The following NDUFAF2 variants were observed in gnomAD, a reference collection of about 807,000 sequenced individuals.
NDUFAF2 encodes NADH:ubiquinone oxidoreductase complex assembly factor 2, also known as NADH dehydrogenase [ubiquinone] 1 alpha subcomplex assembly factor 2.
NDUFAF2 carries 13 observed loss-of-function variants against 22.8 expected under a neutral mutation model. The observed-to-expected ratio is 0.57, with a 90% CI of 0.37 to 0.91. The LOEUF (loss-of-function observed/expected upper bound fraction) is 0.91. Ranked by LOEUF, NDUFAF2 falls within the 40% of genes least tolerant of loss-of-function variation. NDUFAF2 has a pLI of 0.01. For missense variants in NDUFAF2, 162 were observed against 195.2 expected (o/e 0.83, Z 1.01); for synonymous variants, 53 against 64.2 (o/e 0.83, Z 0.84).
intron 2 of NDUFAF2, among the ~76,000 whole-genome samples, chr5:61,094,377 A>C (rs571340648): frequency 6.6e-6 from 1 of 152,210 alleles, no homozygotes; most frequent in Non-Finnish European, 1.5e-5. Context: ...TTTGTCCGTC[A>C]GCCTCTGCAA....
In NDUFAF2 at chr5:61,107,665, C is replaced by A. The variant is rs1047016357; in HGVS notation, c.258+8633C>A. On this transcript the variant is annotated intron_variant, in intron 3 of 3. Transcript: ENST00000296597. ...ATTTCTCTTTTTTTAATTATGATTA[C>A]TATTATTATTATTATTATACTTTAA... is the stretch of plus-strand genomic sequence containing the variant. 1.1e-4 allele frequency among the ~76,000 whole-genome samples: 17 copies of A among 148,760 alleles called. 3 individuals carry two copies. Among genetic ancestry groups the A allele is most frequent in the African/African-American group, 4.3e-4 (17 of 39,878 alleles).
intron 1 of NDUFAF2, among the ~76,000 whole-genome samples, chr5:61,050,117 A>G (rs1752006146): frequency 6.6e-6 from 1 of 152,008 alleles, no homozygotes; most frequent in Admixed American, 6.6e-5. Flanking sequence ...AAGTGGTAAT[A>G]CTATTATATA....
chr5:60,972,192 C>T (rs747192768), intron 1 of NDUFAF2, among the ~76,000 whole-genome samples: 2 of 151,648 alleles, frequency 1.3e-5, no homozygotes, highest in Non-Finnish European at 2.9e-5. Context: ...CTGCCTGCCT[C>T]GGCCTCCCAA....
intron 1 of NDUFAF2, among the ~76,000 whole-genome samples, chr5:61,065,279 A>G (rs1284307214): frequency 6.6e-6 from 1 of 152,116 alleles, no homozygotes; most frequent in Non-Finnish European, 1.5e-5. Context: ...ACAGTCAAAG[A>G]AGAATTAATG....
chr5:61,047,727 A>G (rs981988332), intron 1 of NDUFAF2, among the ~76,000 whole-genome samples: 1 of 152,160 alleles, frequency 6.6e-6, no homozygotes, highest in African/African-American at 2.4e-5. Context: ...AAAAGAATCA[A>G]CCCAGCTATT....
chr5:60,954,692 G>A (rs998475454), intron 1 of NDUFAF2, among the ~76,000 whole-genome samples: 3 of 150,896 alleles, frequency 2.0e-5, no homozygotes, highest in Non-Finnish European at 2.9e-5. Flanking sequence ...TGATCTGCCC[G>A]CCTCAGCCTC....
intron 1 of NDUFAF2, among the ~76,000 whole-genome samples, chr5:60,965,390 G>C (rs1750746968): frequency 6.6e-6 from 1 of 152,054 alleles, no homozygotes; most frequent in Non-Finnish European, 1.5e-5. Flanking sequence ...GAACACTTAA[G>C]ATCTACCTTA....
At chr5:61,028,291 C>T (rs16878515) in intron 1 of NDUFAF2, among the ~76,000 whole-genome samples, 2,189 of 152,022 alleles carry the variant, frequency 0.014, 66 homozygotes, top group African/African-American at 0.05. Context: ...TATTTGTTTT[C>T]GACTTATCCC....
intron 1 of NDUFAF2, among the ~76,000 whole-genome samples, chr5:61,063,894 A>G (rs1418527484): frequency 6.6e-6 from 1 of 152,180 alleles, no homozygotes; most frequent in Admixed American, 6.6e-5. Flanking sequence ...TTTATCAGTA[A>G]TAAACTTGAA....
intron 1 of NDUFAF2, among the ~76,000 whole-genome samples, chr5:60,961,555 AC>A (rs1203834221): frequency 6.7e-6 from 1 of 148,972 alleles, no homozygotes; most frequent in East Asian, 2.0e-4. Flanking sequence ...AGATTGTGCC[AC>A]TGCACTCCAG....
intron 3 of NDUFAF2, among the ~76,000 whole-genome samples, chr5:61,136,050 G>T (rs1450668196): frequency 1.0e-5 from 1 of 95,280 alleles, no homozygotes; most frequent in African/African-American, 4.9e-5. Flanking sequence ...TATCTAGGGT[G>T]GATTGCTTTT....
At chr5:61,024,103 G>A (rs531609892) in intron 1 of NDUFAF2, among the ~76,000 whole-genome samples, 1 of 152,254 alleles carries the variant, frequency 6.6e-6, no homozygotes, top group East Asian at 1.9e-4. Flanking sequence ...GGAGCAGGAA[G>A]GAAGCCCTTA....
chr5:61,064,753 G>A (rs1386274297), intron 1 of NDUFAF2, among the ~76,000 whole-genome samples: 1 of 151,854 alleles, frequency 6.6e-6, no homozygotes, highest in Non-Finnish European at 1.5e-5. Flanking sequence ...GGACATTATA[G>A]CAATTAATGC....
intron 3 of NDUFAF2, among the ~76,000 whole-genome samples, chr5:61,133,407 A>G (rs1561135801): frequency 6.6e-6 from 1 of 152,214 alleles, no homozygotes; most frequent in African/African-American, 2.4e-5. Flanking sequence ...TGGCAGGTAC[A>G]CAAAGAAAAA....
chr5:61,104,877 TACA>T (rs1435990054), intron 3 of NDUFAF2, among the ~76,000 whole-genome samples: 4 of 152,160 alleles, frequency 2.6e-5, no homozygotes, highest in Non-Finnish European at 5.9e-5. Context: ...GCATTCACCT[TACA>T]ACAAGGATAG....
intron 1 of NDUFAF2, among the ~76,000 whole-genome samples, chr5:60,979,796 A>G (rs767543090): frequency 6.6e-6 from 1 of 152,196 alleles, no homozygotes; most frequent in African/African-American, 2.4e-5. Context: ...TGCTGATTGT[A>G]GAGCCCTTGG....
At chr5:61,138,619 G>C (rs1293372081) in intron 3 of NDUFAF2, among the ~76,000 whole-genome samples, 1 of 152,124 alleles carries the variant, frequency 6.6e-6, no homozygotes, top group African/African-American at 2.4e-5. Flanking sequence ...TCATGAAGTA[G>C]GGTGTTGCCT....
chr5:61,119,568 C>T (rs1434303013), intron 3 of NDUFAF2, among the ~76,000 whole-genome samples: 1 of 152,188 alleles, frequency 6.6e-6, no homozygotes, highest in Non-Finnish European at 1.5e-5. Context: ...ATATCCTGAG[C>T]TTGGTCAACA....
chr5:61,013,702 CTTT>C (rs10628072), intron 1 of NDUFAF2, among the ~76,000 whole-genome samples: 1 of 145,324 alleles, frequency 6.9e-6, no homozygotes. Flanking sequence ...ACTTTATCTC[CTTT>C]TTTTTTTTTT....
Sources: gnomAD v4.1 joint callset for allele counts (sites outside exome capture counted in the v4.1 genomes callset) on GRCh38, gnomAD v4.1.1 for gene constraint, MANE v1.5 for transcripts, NCBI Gene and HGNC (gene_info 2026-07-23, HGNC 2026-07-21) for gene names.